LYPD6: variants seen among roughly 807,000 people sequenced by gnomAD.
LYPD6 encodes the protein ly6/PLAUR domain-containing protein 6.
In LYPD6, 15 loss-of-function variants were observed where a neutral mutation model predicts 22.7. The ratio of observed to expected loss-of-function variants is 0.66; its 90% confidence interval spans 0.44 to 1.02. LYPD6 has a LOEUF of 1.02. Among genes scored for constraint, LYPD6 ranks in the 50% least tolerant of loss-of-function variants. The probability of loss-of-function intolerance (pLI) is 0.00; values close to 1 mark genes in which losing one functional copy is unlikely to be tolerated. For missense variants in LYPD6, 189 were observed against 208.4 expected (o/e 0.91, Z 0.57); for synonymous variants, 72 against 77.5 (o/e 0.93, Z 0.37).
At position 149,473,085 on chromosome 2, in the gene LYPD6, G is replaced by C. The variant is rs2105187554; in HGVS notation, c.*2235G>C. 6.6e-6 allele frequency: 1 copy of C among 152,578 alleles called. No homozygotes were observed. The highest frequency in any genetic ancestry group is 1.9e-4 in the East Asian group (1 of 5,176). 9.5% of individuals were successfully genotyped at this position (152,578 alleles called of 1,614,324 possible). Reference sequence around the variant, plus strand: ...AGATGCTATAAGACAATGAAAGTTTGATGTTGTACATACCTACAAGTACCA... The same window carrying C: ...AGATGCTATAAGACAATGAAAGTTTCATGTTGTACATACCTACAAGTACCA... On this transcript the variant is annotated 3_prime_UTR_variant, in exon 5 of 5. Transcript: ENST00000334166.
chr2:149,372,671 A>G (rs541938393), intron 1 of LYPD6, among the ~76,000 whole-genome samples: 1 of 152,356 alleles, frequency 6.6e-6, no homozygotes, highest in South Asian at 2.1e-4. Context: ...CTATGAGCCA[A>G]TGTATATAAT....
chr2:149,337,710 T>C (rs1681065744), intron 1 of LYPD6, among the ~76,000 whole-genome samples: 1 of 152,176 alleles, frequency 6.6e-6, no homozygotes, highest in South Asian at 2.1e-4. Context: ...CACAGGGATT[T>C]GGTGTACAGA....
At chr2:149,381,220 G>A (rs1429945402) in intron 1 of LYPD6, among the ~76,000 whole-genome samples, 1 of 152,196 alleles carries the variant, frequency 6.6e-6, no homozygotes, top group Middle Eastern at 3.2e-3. Context: ...GGGAACTTCA[G>A]TCAGGAGGAT....
chr2:149,419,786 T>A (rs1683039682), intron 1 of LYPD6, among the ~76,000 whole-genome samples: 1 of 152,134 alleles, frequency 6.6e-6, no homozygotes, highest in African/African-American at 2.4e-5. Flanking sequence ...TTGATCAAAT[T>A]CCTTTGCCTC....
intron 1 of LYPD6, among the ~76,000 whole-genome samples, chr2:149,421,686 A>G (rs979783879): frequency 6.6e-6 from 1 of 152,104 alleles, no homozygotes; most frequent in African/African-American, 2.4e-5. Flanking sequence ...TTTGAATATA[A>G]TATTTATATT....
At chr2:149,476,642 G>A (rs1342819009), downstream of LYPD6, among the ~76,000 whole-genome samples, 1 of 152,208 alleles carries the variant, frequency 6.6e-6, no homozygotes, top group Non-Finnish European at 1.5e-5. Context: ...GATGCAAAGA[G>A]AAGGGCTAAA....
intron 1 of LYPD6, among the ~76,000 whole-genome samples, chr2:149,377,169 G>A (rs1186396492): frequency 6.6e-6 from 1 of 151,622 alleles, no homozygotes; most frequent in Non-Finnish European, 1.5e-5. Context: ...GGTTTTTTGT[G>A]GTGAAGTAGA....
At chr2:149,468,399 T>C (rs1573833208) in intron 3 of LYPD6, among the ~76,000 whole-genome samples, 1 of 152,106 alleles carries the variant, frequency 6.6e-6, no homozygotes, top group Admixed American at 6.5e-5. Context: ...GGAGAAACCA[T>C]TGTGTCTTGG....
At chr2:149,404,219 C>G (rs1036885194) in intron 1 of LYPD6, among the ~76,000 whole-genome samples, 3 of 152,108 alleles carry the variant, frequency 2.0e-5, no homozygotes, top group African/African-American at 4.8e-5. Context: ...GATGCGGGCT[C>G]TTTTTTGGTT....
At chr2:149,458,191 A>C (rs536136783) in intron 3 of LYPD6, among the ~76,000 whole-genome samples, 1 of 152,318 alleles carries the variant, frequency 6.6e-6, no homozygotes, top group East Asian at 1.9e-4. Flanking sequence ...GTGTCAGAGA[A>C]GGACAAGTAA....
intron 1 of LYPD6, among the ~76,000 whole-genome samples, chr2:149,359,957 G>C (rs1332800808): frequency 6.6e-6 from 1 of 152,180 alleles, no homozygotes; most frequent in African/African-American, 2.4e-5. Flanking sequence ...AGCGGCATGG[G>C]CTGCTCACCT....
intron 1 of LYPD6, among the ~76,000 whole-genome samples, chr2:149,422,277 G>A (rs560383550): frequency 6.6e-6 from 1 of 152,316 alleles, no homozygotes; most frequent in East Asian, 1.9e-4. Context: ...CTAAGGCACA[G>A]AGAGGTTAAG....
At chr2:149,464,064 C>T in intron 3 of LYPD6, 1 of 400,132 alleles carries the variant, frequency 2.5e-6, no homozygotes, top group Non-Finnish European at 4.9e-6. Context: ...ATTAATATTC[C>T]TTACAAATGC....
At chr2:149,450,324 C>T (rs1683779039) in intron 3 of LYPD6, among the ~76,000 whole-genome samples, 1 of 151,854 alleles carries the variant, frequency 6.6e-6, no homozygotes, top group African/African-American at 2.4e-5. Flanking sequence ...AAAGGGTTGT[C>T]AGGTGATGAG....
At chr2:149,427,019 A>G (rs951234744) in intron 1 of LYPD6, among the ~76,000 whole-genome samples, 1 of 152,214 alleles carries the variant, frequency 6.6e-6, no homozygotes, top group Non-Finnish European at 1.5e-5. Context: ...ATAACTGATT[A>G]CTAGTACTTC....
chr2:149,434,174 G>C (rs1016750403), intron 1 of LYPD6, among the ~76,000 whole-genome samples: 1 of 152,112 alleles, frequency 6.6e-6, no homozygotes, highest in African/African-American at 2.4e-5. Flanking sequence ...GTATGATGGA[G>C]GGAGGGGGGA....
chr2:149,455,041 C>T (rs1026927301), intron 3 of LYPD6, among the ~76,000 whole-genome samples: 1 of 152,020 alleles, frequency 6.6e-6, no homozygotes, highest in African/African-American at 2.4e-5. Flanking sequence ...GAGGGGAGAA[C>T]AGGTATAGAA....
intron 1 of LYPD6, among the ~76,000 whole-genome samples, chr2:149,417,703 G>A (rs1351498145): frequency 6.6e-6 from 1 of 152,126 alleles, no homozygotes; most frequent in African/African-American, 2.4e-5. Context: ...CCTGTGTTGA[G>A]CTATATTTAA....
chr2:149,470,470 T>C (rs1681307318), intron 4 of LYPD6, among the ~76,000 whole-genome samples: 1 of 152,198 alleles, frequency 6.6e-6, no homozygotes, highest in African/African-American at 2.4e-5. Flanking sequence ...CCTAGCTCTC[T>C]TGAAGTTTGG....
Sources: gnomAD v4.1 joint callset for allele counts (sites outside exome capture counted in the v4.1 genomes callset) on GRCh38, gnomAD v4.1.1 for gene constraint, MANE v1.5 for transcripts, NCBI Gene and HGNC (gene_info 2026-07-23, HGNC 2026-07-21) for gene names.